Variants in SLC35A3 observed in about 807,000 individuals in gnomAD.
SLC35A3 encodes solute carrier family 35 member A3, also known as UDP-N-acetylglucosamine transporter.
SLC35A3 carries 26 observed loss-of-function variants against 39.0 expected under a neutral mutation model. The observed-to-expected ratio is 0.67, with a 90% confidence interval of 0.49 to 0.92. SLC35A3 has a LOEUF of 0.92. SLC35A3 is among the 40% of genes least tolerant of loss of function. The pLI is 0.00. For synonymous variants in SLC35A3, 135 were observed against 133.1 expected, an observed-to-expected ratio of 1.01 and a Z score of -0.10; for missense variants, 299 against 371.6, an observed-to-expected ratio of 0.80 and a Z score of 1.61.
intron 1 of SLC35A3, among the ~76,000 whole-genome samples, chr1:99,989,191 T>G (rs891954858): frequency 1.3e-5 from 2 of 152,232 alleles, no homozygotes. Flanking sequence ...TGGTATCTCA[T>G]TGTGGTCTTA....
intron 5 of SLC35A3, among the ~76,000 whole-genome samples, chr1:100,013,133 A>G (rs898132867): frequency 6.6e-6 from 1 of 152,178 alleles, no homozygotes; most frequent in Non-Finnish European, 1.5e-5. Flanking sequence ...ACTGACATGT[A>G]TATATCCTTC....
chr1:99,999,487 G>A, intron 3 of SLC35A3, 72 bp downstream of exon 3: 2 of 966,920 alleles, frequency 2.1e-6, no homozygotes, highest in East Asian at 2.9e-5. Context: ...TATATTTATG[G>A]GGTACATGTG....
intron 7 of SLC35A3, among the ~76,000 whole-genome samples, chr1:100,020,474 A>G (rs1407290286): frequency 6.6e-6 from 1 of 152,234 alleles, no homozygotes; most frequent in Non-Finnish European, 1.5e-5. Flanking sequence ...ATATTAATGT[A>G]GCAATTTCTT....
At chr1:99,998,459 G>T (rs1241462674) in intron 2 of SLC35A3, among the ~76,000 whole-genome samples, 1 of 152,080 alleles carries the variant, frequency 6.6e-6, no homozygotes, top group Non-Finnish European at 1.5e-5. Flanking sequence ...TGCCCAGCCT[G>T]ACAGTCACTT....
In SLC35A3 at chr1:99,993,741, A is replaced by C. The variant is rs1658226522; in HGVS notation, c.187A>C (p.Lys63Gln). The C allele has an allele frequency of 6.2e-7, 1 of 1,612,884 alleles. No homozygotes were observed. The highest frequency in any genetic ancestry group is 1.3e-5 in the African/African-American group (1 of 74,844). The change falls in exon 2 of 8, where the codon AAA (lysine) becomes CAA (glutamine). Residue 63 changes from lysine (K) to glutamine (Q), a missense_variant and splice_region_variant. Transcript: ENST00000533028. ...CATTTTATTGGTCTACAAAGACAGC[A>C]GTAGGTATCTAGGTTTTTTGTTTTT... Reference protein sequence around the residue: ...ACILLVYKDSKCSLRALNRVL... With the variant: ...ACILLVYKDSQCSLRALNRVL...
chr1:99,987,431 T>C (rs896354788), intron 1 of SLC35A3, among the ~76,000 whole-genome samples: 1 of 152,200 alleles, frequency 6.6e-6, no homozygotes, highest in Non-Finnish European at 1.5e-5. Context: ...TTTTTTCCAA[T>C]AGTTATAATC....
chr1:99,970,433 G>A (rs1482441261), intron 1 of SLC35A3: 1 of 733,074 alleles, frequency 1.4e-6, no homozygotes, highest in African/African-American at 1.8e-5. Context: ...AGAGGGGTGT[G>A]TCAAGCGAAT....
intron 4 of SLC35A3, among the ~76,000 whole-genome samples, chr1:100,010,227 G>T (rs1472063634): frequency 6.6e-6 from 1 of 152,168 alleles, no homozygotes; most frequent in African/African-American, 2.4e-5. Flanking sequence ...ACACGGAAAA[G>T]AGCAGGTTGT....
chr1:100,006,973 C>A, intron 3 of SLC35A3, 61 bp from the exon 4 acceptor site: 1 of 1,504,262 alleles, frequency 6.6e-7, no homozygotes, highest in Non-Finnish European at 8.9e-7. Flanking sequence ...TCTAATAGTA[C>A]TCTTAAGGAA....
rs1170082728 is a variant in SLC35A3 at position 100,029,426 on chromosome 1, ATTT to A, written c.*6970_*6972del. On this transcript the variant is annotated 3_prime_UTR_variant, in exon 8 of 8. Coordinates refer to ENST00000533028, the MANE Select transcript of SLC35A3 (RefSeq NM_012243.3). ...CAATTCTTCTTTTCAGAGACTTTTA[ATTT>A]TTTTTTTTTTTTTTTTTTTGAGATG... The A allele has an allele frequency of 0.013, 1,616 of 125,454 alleles. 3 individuals carry two copies. Among genetic ancestry groups the A allele is most frequent in the Middle Eastern group, 0.05 (11 of 222 alleles). 7.8% of individuals were successfully genotyped at this position (125,454 alleles called of 1,614,324 possible). A position where few individuals can be genotyped will look rare whatever the true frequency, so the allele number is the denominator to read the frequency against.
At chr1:99,997,047 A>G (rs1658437697) in intron 2 of SLC35A3, among the ~76,000 whole-genome samples, 1 of 151,932 alleles carries the variant, frequency 6.6e-6, no homozygotes, top group Admixed American at 6.6e-5. Flanking sequence ...TGAGGAGTTT[A>G]TGTATATATC....
intron 3 of SLC35A3, among the ~76,000 whole-genome samples, chr1:100,004,754 T>G (rs1361514135): frequency 6.6e-6 from 1 of 152,036 alleles, no homozygotes; most frequent in Non-Finnish European, 1.5e-5. Flanking sequence ...AAAAGACAGA[T>G]GTCTTGCTAT....
In SLC35A3 at chr1:100,031,362, C is replaced by T. The variant is rs1661221181; in HGVS notation, c.*8886C>T. ...TCTCTGTTGGGACACTTTACCCCTA[C>T]ATACTCCAGCATGCGTGACCTAAAG... is the stretch of plus-strand genomic sequence containing the variant. On this transcript the variant is annotated 3_prime_UTR_variant, in exon 8 of 8. Coordinates refer to ENST00000533028, the MANE Select transcript of SLC35A3 (RefSeq NM_012243.3). 6.6e-6 allele frequency: 1 copy of T among 152,214 alleles called. No homozygotes were observed. Among genetic ancestry groups the T allele is most frequent in the African/African-American group, 2.4e-5 (1 of 41,454 alleles). 9.4% of individuals were successfully genotyped at this position (152,214 alleles called of 1,614,324 possible).
chr1:100,027,469 A>C lies in SLC35A3; in HGVS notation c.*4993A>C. 3.1e-6 allele frequency: 1 copy of C among 323,452 alleles called. No homozygotes were observed. Among genetic ancestry groups the C allele is most frequent in the Non-Finnish European group, 5.6e-6 (1 of 179,522 alleles). The allele number at this position is 323,452 out of a possible 1,614,324, so 20.0% of individuals were successfully genotyped here. A position where few individuals can be genotyped will look rare whatever the true frequency, so the allele number is the denominator to read the frequency against. ...TGTCTCAAAAAACAAACAAAACAAA[A>C]ACTGAAACAACAAAAAAAGACTGGG... On this transcript the variant is annotated 3_prime_UTR_variant, in exon 8 of 8. Coordinates refer to ENST00000533028, the MANE Select transcript of SLC35A3 (RefSeq NM_012243.3).
chr1:99,985,408 C>T (rs1336257553), intron 1 of SLC35A3, among the ~76,000 whole-genome samples: 2 of 152,176 alleles, frequency 1.3e-5, no homozygotes, highest in African/African-American at 2.4e-5. Context: ...GTTCTCTATT[C>T]TGTTCCATTG....
At chr1:100,020,751 G>T (rs1465639709) in intron 7 of SLC35A3, among the ~76,000 whole-genome samples, 1 of 152,090 alleles carries the variant, frequency 6.6e-6, no homozygotes, top group African/African-American at 2.4e-5. Flanking sequence ...TCTGCCTAGG[G>T]GAGTGAGTCT....
intron 5 of SLC35A3, among the ~76,000 whole-genome samples, chr1:100,012,399 G>T (rs867414984): frequency 9.9e-5 from 15 of 152,090 alleles, no homozygotes; most frequent in African/African-American, 3.6e-4. Flanking sequence ...ATTCTAATGT[G>T]CTTCATGGAT....
At chr1:100,018,207 G>A (rs545935479) in intron 7 of SLC35A3, among the ~76,000 whole-genome samples, 1 of 152,142 alleles carries the variant, frequency 6.6e-6, no homozygotes, top group African/African-American at 2.4e-5. Flanking sequence ...AACTCAATTA[G>A]GTGGTAGCAG....
chr1:99,974,485 C>G (rs949503913), intron 1 of SLC35A3, among the ~76,000 whole-genome samples: 2 of 151,994 alleles, frequency 1.3e-5, no homozygotes, highest in Admixed American at 1.3e-4. Flanking sequence ...CTTGGATGTG[C>G]TTTTTTGTTT....
Sources: allele counts gnomAD v4.1 joint callset (sites outside exome capture counted in the v4.1 genomes callset), GRCh38; gene constraint gnomAD v4.1.1; transcripts MANE v1.5; gene names NCBI Gene and HGNC (gene_info 2026-07-23, HGNC 2026-07-21).